The following MYRF variants were observed in gnomAD, a reference collection of about 807,000 sequenced individuals.
MYRF encodes the protein myelin regulatory factor, also known as myelin gene regulatory factor.
A neutral mutation model predicts 126.3 loss-of-function variants in MYRF; 16 were observed. The observed-to-expected ratio is 0.13, with a 90% CI of 0.09 to 0.19. MYRF has a LOEUF of 0.19. Among genes scored for constraint, MYRF ranks in the 10% least tolerant of loss-of-function variants. The probability of loss-of-function intolerance (pLI) is 1.00; values close to 1 mark genes in which losing one functional copy is unlikely to be tolerated. For synonymous variants in MYRF, 608 were observed against 635.3 expected, an observed-to-expected ratio of 0.96 and a Z score of 0.65; for missense variants, 1,104 against 1,547.0, an observed-to-expected ratio of 0.71 and a Z score of 4.80.
chr11:61,762,539 G>T (rs1369745026), intron 1 of MYRF, among the ~76,000 whole-genome samples: 3 of 152,312 alleles, frequency 2.0e-5, no homozygotes, highest in East Asian at 3.9e-4. Context: ...GGCTCTTTTG[G>T]GAGCAGTGGG....
intron 1 of MYRF, among the ~76,000 whole-genome samples, chr11:61,761,991 A>G (rs2065914453): frequency 6.6e-6 from 1 of 152,158 alleles, no homozygotes. Context: ...TAAAGAACTG[A>G]TGAGGAATTA....
Position 61,777,664 on chromosome 11 carries a change from C to T in MYRF, c.1792-70C>T, listed in dbSNP as rs2066424084. The T allele has an allele frequency of 6.8e-7, 1 of 1,468,108 alleles. No homozygotes were observed. Among genetic ancestry groups the T allele is most frequent in the Non-Finnish European group, 9.3e-7 (1 of 1,077,748 alleles). The allele number at this position is 1,468,108 out of a possible 1,614,324, so 90.9% of individuals were successfully genotyped here. ...ACACTGCAGCCTCCAGGCTGCCGCC[C>T]TCCTGGGCTCCGGGGCCTGCTCCGG... is the stretch of plus-strand genomic sequence containing the variant. On this transcript the variant is annotated intron_variant, in intron 12 of 26. Transcript: ENST00000278836. This position sits in a 1 kb window ranked among gnomAD's most constrained non-coding sequence, Gnocchi z 8.8.
intron 7 of MYRF, among the ~76,000 whole-genome samples, chr11:61,772,406 G>A (rs139424418): frequency 0.015 from 2,332 of 152,334 alleles, 26 homozygotes; most frequent in Non-Finnish European, 0.023. Context: ...TTTCCAGGCC[G>A]CAGGCCGGGA....
Position 61,780,970 on chromosome 11 carries a change from A to C in MYRF, c.2497A>C (p.Ser833Arg), listed in dbSNP as rs1781257422. ...ATCCTTCCCCAGCAGGTCCAGCCAG[A>C]GCTTTGGGACCACGCAGCTCCGACA... is the stretch of plus-strand genomic sequence containing the variant. The part of the protein sequence containing the change: ...SEALCPWSSQ[S>R]FGTTQLRQSP... The change falls in exon 20 of 27, where the codon AGC (serine) becomes CGC (arginine). Residue 833 changes from serine to arginine, a missense_variant. By Grantham distance (110) the Ser-to-Arg change is moderately radical. Coordinates refer to ENST00000278836, the MANE Select transcript of MYRF (RefSeq NM_001127392.3). The C allele has an allele frequency of 1.9e-6, 3 of 1,609,714 alleles. No homozygotes were observed. The highest frequency in any genetic ancestry group is 2.5e-6 in the Non-Finnish European group (3 of 1,179,960).
At position 61,774,115 on chromosome 11, in the gene MYRF, G is replaced by A; in HGVS notation, c.1264G>A (p.Gly422Ser). ...GEPKYVKTPEGLKPLDCFYLK... is the reference protein window; with the variant it reads ...GEPKYVKTPESLKPLDCFYLK... ...GCCCAAGTACGTCAAGACGCCCGAG[G>A]GCCTCAAGCCCCTCGACTGCTTCTA... The change falls in exon 8 of 27, where the codon GGC becomes AGC. Residue 422 changes from glycine to serine, a missense_variant. Transcript: ENST00000278836. The A allele has an allele frequency of 1.9e-6, 3 of 1,613,718 alleles. No individual in the cohort carries two copies. The highest frequency in any genetic ancestry group is 2.5e-6 in the Non-Finnish European group (3 of 1,179,866).
intron 7 of MYRF, among the ~76,000 whole-genome samples, chr11:61,772,526 G>A (rs1591107955): frequency 6.6e-6 from 1 of 152,386 alleles, no homozygotes; most frequent in Non-Finnish European, 1.5e-5. Flanking sequence ...GCTGCATGGA[G>A]TTGGGTGCTC....
Position 61,765,636 on chromosome 11 carries a change from A to T in MYRF, c.58A>T (p.Asn20Tyr). 6.2e-7 allele frequency: 1 copy of T among 1,612,608 alleles called. No homozygotes were observed. The highest frequency in any genetic ancestry group is 8.5e-7 in the Non-Finnish European group (1 of 1,179,662). The change falls in exon 2 of 27, where the codon AAC becomes TAC. Residue 20 changes from asparagine (N) to tyrosine (Y), a missense_variant. By Grantham distance (143) the Asn-to-Tyr change is moderately radical (BLOSUM62 -2). Coordinates refer to ENST00000278836, the MANE Select transcript of MYRF (RefSeq NM_001127392.3). ...LQRFFEGHDI[N>Y]GALEPSNIDT... Reference sequence around the variant, plus strand: ...CTCCTGCCCTGCAGGCCACGACATCAACGGTGCCCTGGAGCCCTCCAACAT... The same window carrying T: ...CTCCTGCCCTGCAGGCCACGACATCTACGGTGCCCTGGAGCCCTCCAACAT...
Position 61,777,552 on chromosome 11 carries a change from CG to C in MYRF, c.1791+90del. On this transcript the variant is annotated intron_variant, in intron 12 of 26. Transcript: ENST00000278836. The surrounding 1 kb of genome is among the most constrained non-coding windows in gnomAD (Gnocchi z 8.8). ...CTCCTGGGGAGGGGGCGTGACTACG[CG>C]GAAAGGCGGAGCTGCGGGGGAAGGA... 1 of 1,460,066 alleles carries C rather than the reference CG, an allele frequency of 6.8e-7. No homozygotes were observed. The highest frequency in any genetic ancestry group is 9.3e-7 in the Non-Finnish European group (1 of 1,078,180). The allele number at this position is 1,460,066 out of a possible 1,614,324, so 90.4% of individuals were successfully genotyped here.
intron 1 of MYRF, among the ~76,000 whole-genome samples, chr11:61,760,907 C>G (rs1254583213): frequency 2.6e-5 from 4 of 152,162 alleles, no homozygotes; most frequent in African/African-American, 9.7e-5. Flanking sequence ...TTGACTGCTA[C>G]CACCCTGGCC....
chr11:61,764,094 G>A (rs2065980175), intron 1 of MYRF, among the ~76,000 whole-genome samples: 1 of 152,234 alleles, frequency 6.6e-6, no homozygotes, highest in South Asian at 2.1e-4. Context: ...GTGGTGCGTG[G>A]TGGGTGTCCC....
chr11:61,781,129 C>T lies in MYRF; in HGVS notation c.2573-9C>T, dbSNP rs1282868824. 1 of 1,613,022 alleles carries T rather than the reference C, an allele frequency of 6.2e-7. No homozygotes were observed. The highest frequency in any genetic ancestry group is 8.5e-7 in the Non-Finnish European group (1 of 1,179,974). On this transcript the variant is annotated splice_polypyrimidine_tract_variant and intron_variant, in intron 20 of 26. Transcript: ENST00000278836. ...CTTCTCTGGCTCATACAGCCTCTGGCCTCCTCAGTGACCACCAGCCTCACC... is the reference window on the plus strand; with the variant it reads ...CTTCTCTGGCTCATACAGCCTCTGGTCTCCTCAGTGACCACCAGCCTCACC...
At chr11:61,785,528 T>A (rs2066672113) in intron 25 of MYRF, 1 of 526,200 alleles carries the variant, frequency 1.9e-6, no homozygotes. Context: ...GCATAGTGGG[T>A]GAGGGAACCC....
At chr11:61,761,640 C>T (rs1429619016) in intron 1 of MYRF, among the ~76,000 whole-genome samples, 1 of 152,240 alleles carries the variant, frequency 6.6e-6, no homozygotes, top group Non-Finnish European at 1.5e-5. Context: ...TCACTGGCCA[C>T]TTGGCTCATC....
chr11:61,784,165 A>G, intron 24 of MYRF, 115 bp from the exon 25 acceptor site: 1 of 1,071,458 alleles, frequency 9.3e-7, no homozygotes, highest in Non-Finnish European at 1.4e-6. Flanking sequence ...CCTGGTTATT[A>G]TGCGGTGTTT....
intron 1 of MYRF, among the ~76,000 whole-genome samples, chr11:61,764,966 T>A (rs1251336954): frequency 6.6e-6 from 1 of 152,200 alleles, no homozygotes; most frequent in Non-Finnish European, 1.5e-5. Context: ...CCCAACAGGG[T>A]GATGGGCATA....
chr11:61,783,355 G>A lies in MYRF; in HGVS notation c.3017-143G>A, dbSNP rs371698619. On this transcript the variant is annotated intron_variant, in intron 22 of 26. Transcript: ENST00000278836. The surrounding 1 kb of genome is among the most constrained non-coding windows in gnomAD (Gnocchi z 4.6). ...TGCTGAGGAAAGGGTGTAGTGTGAT[G>A]CTGGCCATTGTGGAGGTCTGGAAAA... 572 of 687,486 alleles carry A rather than the reference G, an allele frequency of 8.3e-4. 3 individuals are homozygous for A. Among genetic ancestry groups the A allele is most frequent in the African/African-American group, 8.3e-3 (471 of 56,858 alleles). The allele number at this position is 687,486 out of a possible 1,614,324, so 42.6% of individuals were successfully genotyped here. A position where few individuals can be genotyped will look rare whatever the true frequency, so the allele number is the denominator to read the frequency against.
In MYRF at chr11:61,776,905, G is replaced by C; in HGVS notation, c.1590+28G>C. ...GAGGGCCACCTCCTCCCAGGGCGTAGACAGCCCTCCCCAGGACTGGGAGAA... is the reference window on the plus strand; with the variant it reads ...GAGGGCCACCTCCTCCCAGGGCGTACACAGCCCTCCCCAGGACTGGGAGAA... On this transcript the variant is annotated intron_variant, in intron 11 of 26. Transcript: ENST00000278836. The surrounding 1 kb of genome is among the most constrained non-coding windows in gnomAD (Gnocchi z 4.3). 6.4e-7 allele frequency: 1 copy of C among 1,558,338 alleles called. No homozygotes were observed. Among genetic ancestry groups the C allele is most frequent in the Non-Finnish European group, 8.7e-7 (1 of 1,149,504 alleles).
At chr11:61,784,696 G>C in intron 25 of MYRF, 1 of 291,190 alleles carries the variant, frequency 3.4e-6, no homozygotes, top group Non-Finnish European at 6.6e-6. Flanking sequence ...CCCATGGCGG[G>C]GAGGGCTGTG....
intron 1 of MYRF, among the ~76,000 whole-genome samples, chr11:61,756,164 G>A (rs1449886816): frequency 6.6e-6 from 1 of 152,194 alleles, no homozygotes; most frequent in Non-Finnish European, 1.5e-5. Flanking sequence ...ATACTGGTTT[G>A]AAAGCCACCC....
Sources: allele counts gnomAD v4.1 joint callset (sites outside exome capture counted in the v4.1 genomes callset), GRCh38; gene constraint gnomAD v4.1.1; non-coding constraint Gnocchi (gnomAD v3.1); transcripts MANE v1.5; gene names NCBI Gene and HGNC (gene_info 2026-07-23, HGNC 2026-07-21).